The following LIPC variants were observed in gnomAD, a reference collection of about 807,000 sequenced individuals.
LIPC encodes lipase C, hepatic type.
LIPC carries 44 observed loss-of-function variants against 50.7 expected under a neutral mutation model. The ratio of observed to expected loss-of-function variants is 0.87; its 90% CI spans 0.68 to 1.11. The LOEUF is 1.11. LIPC is among the 50% of genes most tolerant of loss of function. LIPC has a pLI of 0.00. For synonymous variants in LIPC, 271 were observed against 256.4 expected (o/e 1.06, Z -0.54); for missense variants, 697 against 648.2 (o/e 1.08, Z -0.82).
rs1307569564 is a variant in LIPC at position 58,545,618 on chromosome 15, C to T, written c.575-124C>T. 6 of 794,368 alleles carry T rather than the reference C, an allele frequency of 7.6e-6. No homozygotes were observed. The South Asian group carries it at 9.8e-5, about 13-fold the overall frequency. 49.2% of individuals were successfully genotyped at this position (794,368 alleles called of 1,614,324 possible). On this transcript the variant is annotated intron_variant, in intron 4 of 8. Coordinates refer to ENST00000299022, the MANE Select transcript of LIPC (RefSeq NM_000236.3). ...ACGGCGAGGTTTTCTAGGGAAGGAT[C>T]AGCCCTACGTGTTTCTTCTTCCTGC...
At chr15:58,506,797 A>C (rs1892165269) in intron 1 of LIPC, among the ~76,000 whole-genome samples, 1 of 152,186 alleles carries the variant, frequency 6.6e-6, no homozygotes, top group African/African-American at 2.4e-5. Flanking sequence ...GTGTTAGTCC[A>C]TTCTCACACT....
At chr15:58,534,914 T>C (rs1893065084) in intron 1 of LIPC, among the ~76,000 whole-genome samples, 1 of 152,218 alleles carries the variant, frequency 6.6e-6, no homozygotes, top group Admixed American at 6.5e-5. Context: ...TGTTCTTCCA[T>C]GTCATGCCCA....
chr15:58,551,722 G>A (rs1246342404), intron 6 of LIPC, among the ~76,000 whole-genome samples: 1 of 152,116 alleles, frequency 6.6e-6, no homozygotes, highest in African/African-American at 2.4e-5. Flanking sequence ...CCCAACCCCG[G>A]CCTACAGAGA....
chr15:58,482,590 G>A (rs1891227400), intron 1 of LIPC, among the ~76,000 whole-genome samples: 1 of 152,154 alleles, frequency 6.6e-6, no homozygotes. Flanking sequence ...CTTAGCCACA[G>A]CCACTCTAAA....
intron 1 of LIPC, among the ~76,000 whole-genome samples, chr15:58,483,418 C>A (rs747675698): frequency 1.2e-4 from 18 of 152,180 alleles, no homozygotes; most frequent in South Asian, 2.1e-4. Flanking sequence ...ACTGACCCTG[C>A]AGTTTACAAA....
chr15:58,554,859 A>C (rs1412504563), intron 6 of LIPC, among the ~76,000 whole-genome samples: 1 of 152,226 alleles, frequency 6.6e-6, no homozygotes, highest in Non-Finnish European at 1.5e-5. Flanking sequence ...AAAAAAGGGC[A>C]GTCATGCAAG....
intron 7 of LIPC, among the ~76,000 whole-genome samples, chr15:58,562,603 C>T (rs763796432): frequency 2.6e-5 from 4 of 152,114 alleles, no homozygotes; most frequent in African/African-American, 7.2e-5. Context: ...CTGAGCTTCC[C>T]GAAAATTGCC....
chr15:58,474,173 C>A (rs1890902962), intron 1 of LIPC, among the ~76,000 whole-genome samples: 1 of 152,154 alleles, frequency 6.6e-6, no homozygotes, highest in Non-Finnish European at 1.5e-5. Context: ...GGGACGGTTT[C>A]TTCAGGGGCA....
intron 1 of LIPC, among the ~76,000 whole-genome samples, chr15:58,515,510 A>G (rs1036801949): frequency 1.4e-5 from 2 of 141,804 alleles, no homozygotes; most frequent in East Asian, 4.1e-4. Context: ...GTGATATAAA[A>G]GAGGTCTTTG....
At chr15:58,453,544 T>C (rs1893989614) in intron 1 of LIPC, among the ~76,000 whole-genome samples, 1 of 152,140 alleles carries the variant, frequency 6.6e-6, no homozygotes, top group Non-Finnish European at 1.5e-5. Context: ...TAGAGACTGC[T>C]TCTTTGAGAG....
chr15:58,496,743 C>CAAAAAAAGAAAAAAAAAAA (rs1891778563), intron 1 of LIPC, among the ~76,000 whole-genome samples: 1 of 114,180 alleles, frequency 8.8e-6, no homozygotes, highest in African/African-American at 3.4e-5. Flanking sequence ...TCTTCCCCCT[C>CAAAAAAAGAAAAAAAAAAA]AAAAAAAAAA....
At chr15:58,520,443 T>G (rs1892620665) in intron 1 of LIPC, among the ~76,000 whole-genome samples, 1 of 152,032 alleles carries the variant, frequency 6.6e-6, no homozygotes, top group African/African-American at 2.4e-5. Context: ...CGCTCAGCCC[T>G]CTCCCCTACA....
At position 58,506,987 on chromosome 15, in the gene LIPC, G is replaced by A. The variant is rs114294733; in HGVS notation, c.89-31346G>A. Reference sequence around the variant, plus strand: ...CAACAAGGAGAAATGCCCAGCGAAGGGGTAGGGGAAGCTCCTTATAAAACC... The same window carrying A: ...CAACAAGGAGAAATGCCCAGCGAAGAGGTAGGGGAAGCTCCTTATAAAACC... On this transcript the variant is annotated intron_variant, in intron 1 of 8. Coordinates refer to ENST00000299022, the MANE Select transcript of LIPC (RefSeq NM_000236.3). 8.2e-3 allele frequency among the ~76,000 whole-genome samples: 1,248 copies of A among 152,312 alleles called. 14 individuals are homozygous for A. The highest frequency in any genetic ancestry group is 0.027 in the African/African-American group (1,142 of 41,550).
intron 1 of LIPC, among the ~76,000 whole-genome samples, chr15:58,535,787 A>C (rs74248033): frequency 0.023 from 3,439 of 152,318 alleles, 85 homozygotes; most frequent in South Asian, 0.12. Context: ...TAAGATAGGC[A>C]CTATTTTTAT....
intron 1 of LIPC, chr15:58,435,551 A>C (rs950375938): frequency 5.3e-5 from 8 of 152,302 alleles, no homozygotes; most frequent in African/African-American, 1.7e-4. Flanking sequence ...TAAAAGAGCA[A>C]CCGTCTGTGG....
Position 58,563,594 on chromosome 15 carries a change from G to A in LIPC, c.1259G>A (p.Trp420Ter). ...IGELIMIKFK[W>*]ENSAVWANVW... The stretch of plus-strand genomic sequence containing the variant: ...GAGCTGATCATGATCAAGTTCAAGT[G>A]GGAAAACAGTGCAGTGTGGGCCAAT... Residue 420 changes from tryptophan (W) to a stop codon, truncating the protein, a stop_gained, in exon 8 of 9, where the codon TGG (tryptophan) becomes TAG (stop). Coordinates refer to ENST00000299022, the MANE Select transcript of LIPC (RefSeq NM_000236.3). LOFTEE classifies it high-confidence loss of function. 1 of 1,614,182 alleles carries A rather than the reference G, an allele frequency of 6.2e-7. No homozygotes were observed. The highest frequency in any genetic ancestry group is 1.3e-5 in the African/African-American group (1 of 75,038).
At chr15:58,550,825 CTTTTTTTTTTTTTTTTT>C (rs55943459) in intron 6 of LIPC, among the ~76,000 whole-genome samples, 1 of 45,084 alleles carries the variant, frequency 2.2e-5, no homozygotes, top group Non-Finnish European at 3.8e-5. Flanking sequence ...TTCTTTCTTA[CTTTTTTTTTTTTTTTTT>C]TTTTTTTTTT....
chr15:58,559,081 T>C (rs1287337997), intron 6 of LIPC, among the ~76,000 whole-genome samples: 1 of 152,190 alleles, frequency 6.6e-6, no homozygotes, highest in Non-Finnish European at 1.5e-5. Context: ...GCTTGCTGTA[T>C]AGCTACCAAC....
chr15:58,568,350 G>A (rs746983525), intron 8 of LIPC, among the ~76,000 whole-genome samples: 34 of 152,214 alleles, frequency 2.2e-4, no homozygotes, highest in African/African-American at 8.2e-4. Context: ...AGGAGGAAGG[G>A]TTGAGGAACT....
Sources: allele counts gnomAD v4.1 joint callset (sites outside exome capture counted in the v4.1 genomes callset), GRCh38; gene constraint gnomAD v4.1.1; transcripts MANE v1.5; gene names NCBI Gene and HGNC (gene_info 2026-07-23, HGNC 2026-07-21).